The following TYRP1 variants were observed in gnomAD, a reference collection of about 807,000 sequenced individuals.
TYRP1 encodes the protein tyrosinase related protein 1.
TYRP1 carries 49 observed loss-of-function variants against 42.8 expected under a neutral mutation model. The observed-to-expected ratio is 1.14, with a 90% CI of 0.91 to 1.45. TYRP1 has a LOEUF of 1.45. TYRP1 is among the 40% of genes most tolerant of loss of function. The probability of loss-of-function intolerance (pLI) is 0.00; values close to 1 mark genes in which losing one functional copy is unlikely to be tolerated. For missense variants in TYRP1, 848 were observed against 662.0 expected, an observed-to-expected ratio of 1.28 and a Z score of -3.08; for synonymous variants, 279 against 235.4, an observed-to-expected ratio of 1.19 and a Z score of -1.69.
At chr9:12,700,766 T>C (rs532304106) in intron 4 of TYRP1, 166 of 152,192 alleles carry the variant, frequency 1.1e-3, no homozygotes, top group African/African-American at 3.9e-3. Flanking sequence ...TTTCTTGGGA[T>C]TTATTGATAG....
chr9:12,707,438 G>A (rs1243508661), intron 6 of TYRP1, among the ~76,000 whole-genome samples: 1 of 151,908 alleles, frequency 6.6e-6, no homozygotes, highest in East Asian at 1.9e-4. Context: ...TATACAGCAT[G>A]TTAGATGGTG....
At chr9:12,694,505 GT>G in intron 2 of TYRP1, 124 bp downstream of exon 2, 1 of 1,286,832 alleles carries the variant, frequency 7.8e-7, no homozygotes, top group Non-Finnish European at 1.1e-6. Context: ...TCTTTTCATA[GT>G]TGAGGAAACT....
At chr9:12,708,933 A>G (rs1031053686) in intron 7 of TYRP1, 44 bp from the exon 8 acceptor site, 3 of 1,529,310 alleles carry the variant, frequency 2.0e-6, no homozygotes, top group Admixed American at 3.5e-5. Context: ...GGTGATAACT[A>G]TTTTAATATT....
intron 5 of TYRP1, among the ~76,000 whole-genome samples, chr9:12,704,103 G>T (rs1377537499): frequency 6.6e-6 from 1 of 151,922 alleles, no homozygotes; most frequent in African/African-American, 2.4e-5. Context: ...AAATAAGGTA[G>T]GAGGCTGAAG....
Position 12,702,272 on chromosome 9 carries a change from C to G in TYRP1, c.915C>G (p.Ser305Arg), listed in dbSNP as rs151091299. The G allele has an allele frequency of 7.9e-5, 127 of 1,612,620 alleles. No homozygotes were observed. The highest frequency in any genetic ancestry group is 1.1e-4 in the Non-Finnish European group (124 of 1,179,246). The change falls in exon 5 of 8, where the codon AGC (serine) becomes AGG (arginine). Residue 305 changes from serine to arginine, a missense_variant and splice_region_variant. Physicochemically the swap from Ser to Arg is moderately radical, Grantham distance 110. Transcript: ENST00000388918. The stretch of plus-strand genomic sequence containing the variant: ...TCCACATCCCATTTTTTTCTGCAGG[C>G]ACCGAGGATGGGCCAATTAGGAGAA... Reference protein sequence around the residue: ...DYDTLGTLCNSTEDGPIRRNP... With the variant: ...DYDTLGTLCNRTEDGPIRRNP...
Position 12,706,287 on chromosome 9 carries a change from G to A in TYRP1, c.1261+1582G>A, listed in dbSNP as rs965217247. Among the ~76,000 whole-genome samples, 6 of 152,032 alleles carry A rather than the reference G, an allele frequency of 3.9e-5. No individual in the cohort carries two copies. The South Asian group carries it at 1.2e-3, about 32-fold the overall frequency. ...TAGTAAACTTTTTAGAGGAAATGGAGACTATTCAGTAACCTGGCAAGTCTC... is the reference window on the plus strand; with the variant it reads ...TAGTAAACTTTTTAGAGGAAATGGAAACTATTCAGTAACCTGGCAAGTCTC... On this transcript the variant is annotated intron_variant, in intron 6 of 7. Coordinates refer to ENST00000388918, the MANE Select transcript of TYRP1 (RefSeq NM_000550.3).
In TYRP1 at chr9:12,694,271, T is replaced by G; in HGVS notation, c.275T>G (p.Leu92Trp). ...AGAGATGATCGGGAGGTCTGGCCCT[T>G]GCGCTTCTTCAATAGGACATGTCAC... ...DGRDDREVWPLRFFNRTCHCN... is the reference protein window; with the variant it reads ...DGRDDREVWPWRFFNRTCHCN... Residue 92 changes from leucine (L) to tryptophan (W), a missense_variant, in exon 2 of 8, where the codon TTG becomes TGG. Physicochemically the swap from Leu to Trp is moderately conservative, Grantham distance 61 (BLOSUM62 -2). Transcript: ENST00000388918. 1 of 1,613,880 alleles carries G rather than the reference T, an allele frequency of 6.2e-7. No individual in the cohort carries two copies. The highest frequency in any genetic ancestry group is 8.5e-7 in the Non-Finnish European group (1 of 1,179,966).
chr9:12,709,736 A>T lies in TYRP1; in HGVS notation c.*554A>T, dbSNP rs772341145. 2 of 160,906 alleles carry T rather than the reference A, an allele frequency of 1.2e-5. No individual in the cohort carries two copies. Among genetic ancestry groups the T allele is most frequent in the Non-Finnish European group, 2.7e-5 (2 of 72,892 alleles). The allele number at this position is 160,906 out of a possible 1,614,324, so 10.0% of individuals were successfully genotyped here. On this transcript the variant is annotated 3_prime_UTR_variant, in exon 8 of 8. Transcript: ENST00000388918. ...AGTTTGAAGACCAATCAAATATATT[A>T]TTTAGTCAACATATACTATTTAGTC...
intron 5 of TYRP1, 133 bp downstream of exon 5, chr9:12,702,571 T>C: frequency 5.3e-6 from 5 of 935,106 alleles, no homozygotes. Flanking sequence ...AGATTTTCTA[T>C]TATGATACAC....
At chr9:12,703,917 G>A (rs939604058) in intron 5 of TYRP1, among the ~76,000 whole-genome samples, 1 of 143,182 alleles carries the variant, frequency 7.0e-6, no homozygotes, top group East Asian at 2.1e-4. Flanking sequence ...GTGTATATAT[G>A]TGTGTGTATA....
At chr9:12,698,325 A>G (rs1818109453) in intron 3 of TYRP1, 126 bp from the exon 4 acceptor site, 1 of 918,654 alleles carries the variant, frequency 1.1e-6, no homozygotes, top group Admixed American at 2.0e-5. Context: ...GACACCGTTG[A>G]TATACTAACC....
chr9:12,693,820 G>T (rs912338851), intron 1 of TYRP1, 92 bp from the exon 2 acceptor site: 7 of 701,152 alleles, frequency 1.0e-5, no homozygotes, highest in Non-Finnish European at 1.7e-5. Flanking sequence ...TTTACATATG[G>T]GTTCCATTTT....
intron 5 of TYRP1, among the ~76,000 whole-genome samples, chr9:12,704,247 G>C (rs1217113545): frequency 1.3e-5 from 2 of 151,756 alleles, no homozygotes; most frequent in Non-Finnish European, 1.5e-5. Context: ...GTCAAATAGA[G>C]TGTCTATATA....
chr9:12,705,058 T>C (rs1234658988), intron 6 of TYRP1, among the ~76,000 whole-genome samples: 1 of 152,048 alleles, frequency 6.6e-6, no homozygotes, highest in East Asian at 1.9e-4. Flanking sequence ...GAAAACCTTA[T>C]AGAGCTCTTC....
rs776748208 is a variant in TYRP1, at chr9:12,695,584, A to G, written c.455A>G (p.Lys152Arg). 3.7e-6 allele frequency: 6 copies of G among 1,614,090 alleles called. No homozygotes were observed. In the African/African-American group the frequency reaches 6.7e-5, roughly 18 times the overall value. ...NHFVRALDMAKRTTHPLFVIA... is the reference protein window; with the variant it reads ...NHFVRALDMARRTTHPLFVIA... Reference sequence around the variant, plus strand: ...TTTGTCCGGGCCCTGGATATGGCAAAGCGCACAACTCACCCTTTATTTGTC... The same window carrying G: ...TTTGTCCGGGCCCTGGATATGGCAAGGCGCACAACTCACCCTTTATTTGTC... The change falls in exon 3 of 8, where the codon AAG becomes AGG. Residue 152 changes from lysine (K) to arginine (R), a missense_variant. Lys to Arg is a conservative substitution (Grantham distance 26, BLOSUM62 2). Transcript: ENST00000388918.
chr9:12,698,935 T>C (rs1296918589), intron 4 of TYRP1, among the ~76,000 whole-genome samples: 7 of 152,130 alleles, frequency 4.6e-5, no homozygotes, highest in Non-Finnish European at 1.0e-4. Flanking sequence ...AATGTCTAGT[T>C]GTATAAACTA....
rs1818291265 is a variant in TYRP1 at position 12,708,150 on chromosome 9, G to T, written c.1408+7G>T. On this transcript the variant is annotated splice_region_variant and intron_variant, in intron 7 of 7. Coordinates refer to ENST00000388918, the MANE Select transcript of TYRP1 (RefSeq NM_000550.3). Reference sequence around the variant, plus strand: ...TATGAAATTCAATGGCCAAGTGAGTGTTGAAAGTGTATTTTTACTGTGATA... The same window carrying T: ...TATGAAATTCAATGGCCAAGTGAGTTTTGAAAGTGTATTTTTACTGTGATA... 3 of 1,612,206 alleles carry T rather than the reference G, an allele frequency of 1.9e-6. No individual in the cohort carries two copies. The South Asian group carries it at 3.3e-5, about 18-fold the overall frequency.
rs1818033194 is a variant in TYRP1 at position 12,693,925 on chromosome 9, T to A, written c.-72T>A. On this transcript the variant is annotated 5_prime_UTR_variant, in exon 2 of 8. Coordinates refer to ENST00000388918, the MANE Select transcript of TYRP1 (RefSeq NM_000550.3). ...TCTCTTTTTCAGCTGGATTTTCCTCTACGTGCTTCAGTCTTCTCTACACAA... is the reference window on the plus strand; with the variant it reads ...TCTCTTTTTCAGCTGGATTTTCCTCAACGTGCTTCAGTCTTCTCTACACAA... The A allele has an allele frequency of 6.3e-7, 1 of 1,595,170 alleles. No homozygotes were observed. The highest frequency in any genetic ancestry group is 8.5e-7 in the Non-Finnish European group (1 of 1,169,908).
chr9:12,694,096 G>C lies in TYRP1; in HGVS notation c.100G>C (p.Glu34Gln). 6.2e-7 allele frequency: 1 copy of C among 1,614,010 alleles called. No individual in the cohort carries two copies. Among genetic ancestry groups the C allele is most frequent in the Non-Finnish European group, 8.5e-7 (1 of 1,180,022 alleles). The change falls in exon 2 of 8, where the codon GAG becomes CAG. Residue 34 changes from glutamate to glutamine, a missense_variant. Glu to Gln is a conservative substitution (Grantham distance 29, BLOSUM62 2). Coordinates refer to ENST00000388918, the MANE Select transcript of TYRP1 (RefSeq NM_000550.3). ...AQFPRQCATV[E>Q]ALRSGMCCPD... ...ATTCCCAAGACAGTGTGCCACTGTTGAGGCTTTGAGAAGTGGTATGTGTTG... is the reference window on the plus strand; with the variant it reads ...ATTCCCAAGACAGTGTGCCACTGTTCAGGCTTTGAGAAGTGGTATGTGTTG...
Sources: gnomAD v4.1 joint callset for allele counts (sites outside exome capture counted in the v4.1 genomes callset) on GRCh38, gnomAD v4.1.1 for gene constraint, MANE v1.5 for transcripts, NCBI Gene and HGNC (gene_info 2026-07-23, HGNC 2026-07-21) for gene names.